Variants in FAM114A1 observed in about 807,000 individuals in gnomAD.
The protein encoded by FAM114A1 is protein NOXP20.
In FAM114A1, 62 loss-of-function variants were observed where a neutral mutation model predicts 64.3. The observed-to-expected ratio is 0.96, with a 90% CI of 0.79 to 1.19. FAM114A1 has a LOEUF of 1.19. Ranked by LOEUF, FAM114A1 falls within the 50% of genes most tolerant of loss-of-function variation. FAM114A1 has a pLI of 0.00. For missense variants in FAM114A1, 645 were observed against 676.3 expected (o/e 0.95, Z 0.51); for synonymous variants, 254 against 251.1 (o/e 1.01, Z -0.11).
At chr4:38,930,436 A>G (rs565551952) in intron 10 of FAM114A1, among the ~76,000 whole-genome samples, 3 of 152,268 alleles carry the variant, frequency 2.0e-5, no homozygotes, top group African/African-American at 7.2e-5. Context: ...CAGTGACTTG[A>G]ACACAGTGGG....
intron 3 of FAM114A1, among the ~76,000 whole-genome samples, chr4:38,879,856 G>C (rs1276408182): frequency 6.6e-6 from 1 of 152,052 alleles, no homozygotes; most frequent in East Asian, 1.9e-4. Context: ...CACTGGGGGA[G>C]ATTTAAAATG....
intron 13 of FAM114A1, 46 bp from the exon 14 acceptor site, chr4:38,940,922 T>C (rs1175064400): frequency 1.3e-5 from 20 of 1,592,382 alleles, no homozygotes; most frequent in Non-Finnish European, 8.6e-7. Context: ...GCAAGCCTTG[T>C]AGTATGAGCA....
intron 7 of FAM114A1, among the ~76,000 whole-genome samples, chr4:38,914,286 C>A (rs1427543351): frequency 6.6e-6 from 1 of 151,888 alleles, no homozygotes; most frequent in African/African-American, 2.4e-5. Flanking sequence ...GAAATTTGGC[C>A]GGGTGCAGTG....
chr4:38,929,171 T>C lies in FAM114A1; in HGVS notation c.1070-71T>C, dbSNP rs558375211. On this transcript the variant is annotated intron_variant, in intron 9 of 14. Transcript: ENST00000358869. ...AGTCTACCCCAGCTGCAGGCTGTAA[T>C]GTTGGGGGAGCTGCCACATCCTGAA... 394 of 1,206,206 alleles carry C rather than the reference T, an allele frequency of 3.3e-4. 4 individuals are homozygous for C. The African/African-American group carries it at 5.5e-3, about 17-fold the overall frequency. 74.7% of individuals were successfully genotyped at this position (1,206,206 alleles called of 1,614,324 possible).
intron 3 of FAM114A1, among the ~76,000 whole-genome samples, chr4:38,881,561 G>A (rs1017433900): frequency 3.3e-5 from 5 of 152,146 alleles, no homozygotes; most frequent in African/African-American, 7.2e-5. Context: ...CAGGAAAGCC[G>A]ATAGGTTGGC....
At chr4:38,929,446 G>A (rs865850126) in intron 10 of FAM114A1, 113 bp downstream of exon 10, 1 of 789,262 alleles carries the variant, frequency 1.3e-6, no homozygotes, top group African/African-American at 1.7e-5. Context: ...AATCTTATGT[G>A]GCATAGTGCC....
chr4:38,905,937 C>T, intron 6 of FAM114A1, 76 bp downstream of exon 6: 1 of 1,285,098 alleles, frequency 7.8e-7, no homozygotes, highest in Non-Finnish European at 1.1e-6. Context: ...TTACCAGTGA[C>T]CTAGATACAT....
At chr4:38,898,413 G>A (rs1717154021) in intron 4 of FAM114A1, among the ~76,000 whole-genome samples, 1 of 152,132 alleles carries the variant, frequency 6.6e-6, no homozygotes, top group Non-Finnish European at 1.5e-5. Context: ...ACAGAGAATG[G>A]CAAACTTGTC....
At chr4:38,912,109 A>G (rs1450325096) in intron 7 of FAM114A1, among the ~76,000 whole-genome samples, 15 of 151,506 alleles carry the variant, frequency 9.9e-5, no homozygotes, top group Admixed American at 9.2e-4. Context: ...GATCCACCCT[A>G]TTTGGCCTTG....
At chr4:38,876,700 G>A (rs1434609332) in intron 2 of FAM114A1, among the ~76,000 whole-genome samples, 1 of 152,142 alleles carries the variant, frequency 6.6e-6, no homozygotes, top group Non-Finnish European at 1.5e-5. Context: ...TTATTCTCTT[G>A]GAGTTCTGGA....
chr4:38,935,192 G>A (rs1308373998), intron 12 of FAM114A1, among the ~76,000 whole-genome samples: 1 of 152,124 alleles, frequency 6.6e-6, no homozygotes, highest in East Asian at 1.9e-4. Context: ...TGAGATTACA[G>A]GCGTGAGCCA....
rs552541591 is a variant in FAM114A1, at chr4:38,923,319, G to A, written c.1069+426G>A. Among the ~76,000 whole-genome samples, 6 of 150,512 alleles carry A rather than the reference G, an allele frequency of 4.0e-5. No homozygotes were observed. In the East Asian group the frequency reaches 5.8e-4, roughly 15 times the overall value. Reference sequence around the variant, plus strand: ...GCTCACTGCAACCTCCACCTCCCGGGTTCAAGTGATTCTCCTGCCTCAGTC... The same window carrying A: ...GCTCACTGCAACCTCCACCTCCCGGATTCAAGTGATTCTCCTGCCTCAGTC... On this transcript the variant is annotated intron_variant, in intron 9 of 14. Coordinates refer to ENST00000358869, the MANE Select transcript of FAM114A1 (RefSeq NM_138389.4).
intron 4 of FAM114A1, among the ~76,000 whole-genome samples, chr4:38,904,301 T>A (rs1330736347): frequency 6.6e-6 from 1 of 152,142 alleles, no homozygotes; most frequent in African/African-American, 2.4e-5. Flanking sequence ...CTTCAACAGT[T>A]TGACAACTCA....
In FAM114A1 at chr4:38,943,722, T is replaced by A. The variant is rs2109825231; in HGVS notation, c.*165T>A. 1.9e-6 allele frequency: 1 copy of A among 524,422 alleles called. No individual in the cohort carries two copies. Among genetic ancestry groups the A allele is most frequent in the African/African-American group, 1.9e-5 (1 of 53,152 alleles). 32.5% of individuals were successfully genotyped at this position (524,422 alleles called of 1,614,324 possible). ...GAGAATGCAAATTTAGAGAGAGTTA[T>A]CATTTCTCTCAATGTGTATAATTGT... On this transcript the variant is annotated 3_prime_UTR_variant, in exon 15 of 15. Transcript: ENST00000358869.
chr4:38,935,281 G>T (rs1313529496), intron 12 of FAM114A1, among the ~76,000 whole-genome samples: 1 of 152,064 alleles, frequency 6.6e-6, no homozygotes, highest in East Asian at 1.9e-4. Context: ...TAACCCATAA[G>T]GTCACCCTGA....
In FAM114A1 at chr4:38,940,908, C is replaced by G. The variant is rs569458740; in HGVS notation, c.1537-60C>G. The G allele has an allele frequency of 1.6e-5, 25 of 1,544,156 alleles. No individual in the cohort carries two copies. The East Asian group carries it at 5.6e-4, about 35-fold the overall frequency. ...AACAAAGCTAGTGTATTACATTTTA[C>G]GTGGCAAGCCTTGTAGTATGAGCAC... On this transcript the variant is annotated intron_variant, in intron 13 of 14. Transcript: ENST00000358869.
chr4:38,905,672 T>A, intron 5 of FAM114A1, 37 bp downstream of exon 5: 3 of 1,608,618 alleles, frequency 1.9e-6, no homozygotes, highest in Non-Finnish European at 1.7e-6. Flanking sequence ...TCTTGGACTT[T>A]ATTACACCAT....
Position 38,943,455 on chromosome 4 carries a change from G to T in FAM114A1, c.1591-1G>T, listed in dbSNP as rs1321628857. On this transcript the variant is annotated splice_acceptor_variant, in intron 14 of 14. Transcript: ENST00000358869. LOFTEE classifies it high-confidence loss of function. Reference sequence around the variant, plus strand: ...TCAACCTCATTTTTCTCCTCTCACAGGGCTGCAACAGTACAACGTACATAC... The same window carrying T: ...TCAACCTCATTTTTCTCCTCTCACATGGCTGCAACAGTACAACGTACATAC... The T allele has an allele frequency of 6.2e-7, 1 of 1,613,812 alleles. No individual in the cohort carries two copies. The highest frequency in any genetic ancestry group is 1.7e-5 in the Admixed American group (1 of 60,014).
intron 13 of FAM114A1, among the ~76,000 whole-genome samples, chr4:38,936,098 G>GT (rs1369334534): frequency 0.02 from 2,832 of 140,206 alleles, 105 homozygotes; most frequent in African/African-American, 0.067. Context: ...TGTTTTTTTT[G>GT]TTTTTTTTTT....
Sources: allele counts gnomAD v4.1 joint callset (sites outside exome capture counted in the v4.1 genomes callset), GRCh38; gene constraint gnomAD v4.1.1; transcripts MANE v1.5; gene names NCBI Gene and HGNC (gene_info 2026-07-23, HGNC 2026-07-21).